Variants in SAMSN1 observed in about 807,000 individuals in gnomAD.
SAMSN1 encodes the protein SAM domain-containing protein SAMSN-1.
SAMSN1 carries 31 observed loss-of-function variants against 42.0 expected under a neutral mutation model. The observed-to-expected ratio is 0.74, with a 90% confidence interval of 0.55 to 1.00. SAMSN1 has a LOEUF of 1.00. SAMSN1 is among the 50% of genes least tolerant of loss of function. The pLI is 0.00. For synonymous variants in SAMSN1, 178 were observed against 151.9 expected (o/e 1.17, Z -1.26); for missense variants, 464 against 439.4 (o/e 1.06, Z -0.50).
At chr21:14,652,401 C>T (rs558003495) in intron 1 of SAMSN1, among the ~76,000 whole-genome samples, 3 of 152,102 alleles carry the variant, frequency 2.0e-5, no homozygotes, top group Admixed American at 6.6e-5. Context: ...TTACAGTGAA[C>T]TCATTTTTGA....
intron 2 of SAMSN1, among the ~76,000 whole-genome samples, chr21:14,580,959 A>T (rs1358157953): frequency 6.6e-6 from 1 of 152,188 alleles, no homozygotes; most frequent in Non-Finnish European, 1.5e-5. Flanking sequence ...ATTGAAAAAA[A>T]AGTACCACTC....
intron 7 of SAMSN1, among the ~76,000 whole-genome samples, chr21:14,589,569 GTA>G: frequency 6.6e-6 from 1 of 152,102 alleles, no homozygotes; most frequent in South Asian, 2.1e-4. Context: ...GTGTACGTAT[GTA>G]TATACCTACA....
chr21:14,606,040 C>T (rs1982560300), intron 5 of SAMSN1, among the ~76,000 whole-genome samples: 1 of 151,890 alleles, frequency 6.6e-6, no homozygotes, highest in African/African-American at 2.4e-5. Context: ...CGGGGTTTCA[C>T]TGTGTTAGCC....
intron 2 of SAMSN1, among the ~76,000 whole-genome samples, chr21:14,574,902 T>G (rs147264525): frequency 2.4e-3 from 366 of 152,302 alleles, no homozygotes; most frequent in African/African-American, 8.3e-3. Context: ...AAAAATGTGT[T>G]TGCATGTCTG....
chr21:14,539,378 G>A (rs919104996), intron 1 of SAMSN1, among the ~76,000 whole-genome samples: 1 of 152,126 alleles, frequency 6.6e-6, no homozygotes, highest in Non-Finnish European at 1.5e-5. Flanking sequence ...TGACATGATT[G>A]TATATCTAGA....
chr21:14,490,740 A>G (rs1050571494), intron 7 of SAMSN1, among the ~76,000 whole-genome samples: 5 of 152,222 alleles, frequency 3.3e-5, no homozygotes, highest in African/African-American at 4.8e-5. Context: ...TGTTCCCCTG[A>G]GGCCATGAGA....
intron 2 of SAMSN1, among the ~76,000 whole-genome samples, chr21:14,577,262 ATATATATATATATATATATATAT>A (rs1568816090): frequency 3.7e-4 from 16 of 43,382 alleles, no homozygotes; most frequent in Admixed American, 5.5e-4. Context: ...ATATATATAT[ATATATATATATATATATATATAT>A]TTTTTTTTTA....
intron 1 of SAMSN1, 68 bp from the exon 2 acceptor site, chr21:14,521,289 T>A: frequency 9.7e-7 from 1 of 1,031,748 alleles, no homozygotes. Flanking sequence ...CTGATAAGTA[T>A]ATTAGATTAT....
chr21:14,623,388 G>A (rs906515110), intron 2 of SAMSN1, among the ~76,000 whole-genome samples: 10 of 152,250 alleles, frequency 6.6e-5, no homozygotes, highest in Non-Finnish European at 1.5e-4. Flanking sequence ...CCCATCTCAC[G>A]TGCAGAGACA....
At chr21:14,625,232 C>G (rs1233108564) in intron 2 of SAMSN1, among the ~76,000 whole-genome samples, 2 of 152,172 alleles carry the variant, frequency 1.3e-5, no homozygotes, top group East Asian at 3.9e-4. Flanking sequence ...CAGGGATGCC[C>G]TCTTTCACCA....
chr21:14,576,275 G>C (rs774298410), intron 2 of SAMSN1, among the ~76,000 whole-genome samples: 5 of 152,122 alleles, frequency 3.3e-5, no homozygotes, highest in Non-Finnish European at 5.9e-5. Context: ...TAATCTGTTA[G>C]ATTAATCTGA....
chr21:14,499,926 C>G (rs1600863960), intron 6 of SAMSN1, among the ~76,000 whole-genome samples: 1 of 152,204 alleles, frequency 6.6e-6, no homozygotes, highest in East Asian at 1.9e-4. Flanking sequence ...TTCATTGATA[C>G]TAGGTGTAGT....
At chr21:14,505,308 C>A (rs1441786707) in intron 5 of SAMSN1, among the ~76,000 whole-genome samples, 1 of 152,142 alleles carries the variant, frequency 6.6e-6, no homozygotes, top group Admixed American at 6.5e-5. Context: ...TACAGAATTG[C>A]AGAATGGATA....
intron 2 of SAMSN1, among the ~76,000 whole-genome samples, chr21:14,571,838 G>T (rs1057129311): frequency 6.6e-6 from 1 of 152,072 alleles, no homozygotes; most frequent in Non-Finnish European, 1.5e-5. Context: ...GGTCAGTAGA[G>T]TACCCCCAAG....
At chr21:14,586,260 C>T (rs1981912639), upstream of SAMSN1, among the ~76,000 whole-genome samples, 1 of 62,040 alleles carries the variant, frequency 1.6e-5, no homozygotes, top group African/African-American at 7.4e-5. Flanking sequence ...GAGACTCCAT[C>T]TCAAAAAAAA....
chr21:14,575,167 G>T (rs774210770), intron 2 of SAMSN1, among the ~76,000 whole-genome samples: 4 of 152,120 alleles, frequency 2.6e-5, no homozygotes, highest in Non-Finnish European at 5.9e-5. Flanking sequence ...ATGGATAAAT[G>T]AATGAATAAG....
chr21:14,554,340 G>T (rs1980689162), intron 2 of SAMSN1, among the ~76,000 whole-genome samples: 2 of 151,998 alleles, frequency 1.3e-5, no homozygotes, highest in South Asian at 4.2e-4. Flanking sequence ...GAAAGATATT[G>T]CTATGAGAAT....
intron 2 of SAMSN1, among the ~76,000 whole-genome samples, chr21:14,551,610 T>C (rs568504113): frequency 6.6e-6 from 1 of 152,214 alleles, no homozygotes; most frequent in East Asian, 1.9e-4. Flanking sequence ...TAACAAATAA[T>C]GATAAAATTT....
At chr21:14,594,882 A>G (rs1982210293) in intron 6 of SAMSN1, 1 of 152,218 alleles carries the variant, frequency 6.6e-6, no homozygotes, top group Non-Finnish European at 1.5e-5. Context: ...TTACAAAGAA[A>G]AGAAGTGCAA....
Sources: gnomAD v4.1 joint callset for allele counts (sites outside exome capture counted in the v4.1 genomes callset) on GRCh38, gnomAD v4.1.1 for gene constraint, MANE v1.5 for transcripts, NCBI Gene and HGNC (gene_info 2026-07-23, HGNC 2026-07-21) for gene names.